The following GRIP1 variants were observed in gnomAD, a reference collection of about 807,000 sequenced individuals.
GRIP1 encodes glutamate receptor-interacting protein 1.
In GRIP1, 45 loss-of-function variants were observed where a neutral mutation model predicts 129.9. The observed-to-expected ratio is 0.35, with a 90% CI of 0.27 to 0.44. The LOEUF (loss-of-function observed/expected upper bound fraction) is 0.44. Ranked by LOEUF, GRIP1 falls within the 20% of genes least tolerant of loss-of-function variation. The pLI is 1.00. For missense variants in GRIP1, 1,196 were observed against 1,396.8 expected (o/e 0.86, Z 2.29); for synonymous variants, 530 against 520.8 (o/e 1.02, Z -0.24).
At chr12:66,417,183 C>G (rs2057637716) in intron 15 of GRIP1, among the ~76,000 whole-genome samples, 1 of 151,872 alleles carries the variant, frequency 6.6e-6, no homozygotes, top group African/African-American at 2.4e-5. Context: ...GAATAAAGGA[C>G]AAAAACCATA....
At chr12:66,773,021 G>A (rs528650931) in intron 1 of GRIP1, among the ~76,000 whole-genome samples, 4 of 152,290 alleles carry the variant, frequency 2.6e-5, no homozygotes, top group African/African-American at 9.6e-5. Flanking sequence ...GTGCTTGTCT[G>A]TTAAGGAAAT....
chr12:66,638,004 G>C (rs2031564650), intron 1 of GRIP1, among the ~76,000 whole-genome samples: 1 of 152,176 alleles, frequency 6.6e-6, no homozygotes. Context: ...AAATTCTTTT[G>C]TACGCTGTCA....
chr12:66,716,230 T>C (rs1013048614), intron 1 of GRIP1, among the ~76,000 whole-genome samples: 1 of 152,124 alleles, frequency 6.6e-6, no homozygotes, highest in African/African-American at 2.4e-5. Context: ...ACATTTAATT[T>C]GCATTTTTTC....
chr12:66,960,751 T>C (rs1447409989), intron 1 of GRIP1, among the ~76,000 whole-genome samples: 1 of 152,140 alleles, frequency 6.6e-6, no homozygotes. Context: ...GGGAAGCTGC[T>C]AAACATCCTA....
At chr12:66,950,103 C>A (rs1281298416) in intron 1 of GRIP1, among the ~76,000 whole-genome samples, 1 of 152,100 alleles carries the variant, frequency 6.6e-6, no homozygotes, top group African/African-American at 2.4e-5. Flanking sequence ...TTCCCACTCT[C>A]ATATTTGTCT....
At chr12:66,507,751 A>G (rs982607961) in intron 7 of GRIP1, among the ~76,000 whole-genome samples, 5 of 137,736 alleles carry the variant, frequency 3.6e-5, no homozygotes, top group African/African-American at 1.4e-4. Flanking sequence ...ACCATAGGGC[A>G]TTCCTTTCTT....
intron 11 of GRIP1, among the ~76,000 whole-genome samples, chr12:66,450,326 A>G (rs2058752703): frequency 1.3e-5 from 2 of 149,176 alleles, no homozygotes; most frequent in Admixed American, 6.7e-5. Context: ...AAAAAAAAAA[A>G]AAAAAAAGAA....
intron 1 of GRIP1, among the ~76,000 whole-genome samples, chr12:66,989,713 T>C (rs1032994454): frequency 1.3e-5 from 2 of 152,180 alleles, no homozygotes; most frequent in African/African-American, 2.4e-5. Flanking sequence ...ATAAACACTG[T>C]CACTACACAA....
intron 1 of GRIP1, among the ~76,000 whole-genome samples, chr12:66,830,925 C>T (rs561513811): frequency 1.5e-4 from 22 of 151,684 alleles, no homozygotes; most frequent in Non-Finnish European, 2.6e-4. Context: ...TGGCTCACTG[C>T]AGCCTTGGCC....
At chr12:66,451,566 G>A (rs1281438252) in intron 11 of GRIP1, among the ~76,000 whole-genome samples, 1 of 151,702 alleles carries the variant, frequency 6.6e-6, no homozygotes, top group Non-Finnish European at 1.5e-5. Flanking sequence ...ACCACACCTG[G>A]TTGATTTTTT....
intron 2 of GRIP1, among the ~76,000 whole-genome samples, chr12:66,592,339 C>T (rs1470323239): frequency 6.6e-6 from 1 of 152,140 alleles, no homozygotes; most frequent in African/African-American, 2.4e-5. Context: ...CTACCCACTT[C>T]CAAATACCTA....
upstream of GRIP1, among the ~76,000 whole-genome samples, chr12:66,808,873 A>G (rs2039049569): frequency 6.6e-6 from 1 of 152,200 alleles, no homozygotes; most frequent in Non-Finnish European, 1.5e-5. Flanking sequence ...CAATGGTTGA[A>G]GTACTATCCT....
At chr12:66,933,744 C>G (rs1237683218) in intron 1 of GRIP1, among the ~76,000 whole-genome samples, 1 of 152,134 alleles carries the variant, frequency 6.6e-6, no homozygotes, top group Non-Finnish European at 1.5e-5. Flanking sequence ...TTATTCATGT[C>G]AAGCTGGAAT....
intron 1 of GRIP1, among the ~76,000 whole-genome samples, chr12:66,619,033 T>C (rs1316201335): frequency 1.3e-5 from 2 of 152,166 alleles, no homozygotes; most frequent in Admixed American, 6.6e-5. Flanking sequence ...GTAAACAACG[T>C]TTCCTTCAAG....
intron 5 of GRIP1, among the ~76,000 whole-genome samples, chr12:66,523,792 T>G (rs539214563): frequency 0.023 from 3,498 of 152,120 alleles, 121 homozygotes; most frequent in African/African-American, 0.08. Context: ...CCATCTCACA[T>G]GCAGAGACAC....
At chr12:66,427,502 AGAT>A (rs2058023784) in intron 14 of GRIP1, among the ~76,000 whole-genome samples, 2 of 152,206 alleles carry the variant, frequency 1.3e-5, no homozygotes, top group Non-Finnish European at 2.9e-5. Context: ...ATAAGCAAGA[AGAT>A]ACAATACTGA....
chr12:66,536,328 C>A (rs1297149288), intron 4 of GRIP1, among the ~76,000 whole-genome samples: 1 of 152,146 alleles, frequency 6.6e-6, no homozygotes, highest in Admixed American at 6.6e-5. Flanking sequence ...TAGTGACTTC[C>A]TGTATCATTC....
chr12:67,020,301 G>A (rs2042846543), intron 1 of GRIP1, among the ~76,000 whole-genome samples: 1 of 152,110 alleles, frequency 6.6e-6, no homozygotes, highest in East Asian at 1.9e-4. Context: ...TTTTAAGCCT[G>A]CATATAACAA....
chr12:66,799,086 A>T (rs529668723), intron 1 of GRIP1, among the ~76,000 whole-genome samples: 4 of 152,150 alleles, frequency 2.6e-5, no homozygotes, highest in Non-Finnish European at 5.9e-5. Flanking sequence ...AAGTTGATTA[A>T]CTTGTTTGTA....
Sources: allele counts gnomAD v4.1 joint callset (sites outside exome capture counted in the v4.1 genomes callset), GRCh38; gene constraint gnomAD v4.1.1; transcripts MANE v1.5; gene names NCBI Gene and HGNC (gene_info 2026-07-23, HGNC 2026-07-21).